The following KNG1 variants were observed in gnomAD, a reference collection of about 807,000 sequenced individuals.
KNG1 encodes the protein kininogen 1.
KNG1 carries 23 observed loss-of-function variants against 47.8 expected under a neutral mutation model. The ratio of observed to expected loss-of-function variants is 0.48; its 90% CI spans 0.35 to 0.68. KNG1 has a LOEUF of 0.68. Among genes scored for constraint, KNG1 ranks in the 30% least tolerant of loss-of-function variants. KNG1 has a pLI of 0.01. For missense variants in KNG1, 762 were observed against 790.2 expected, an observed-to-expected ratio of 0.96 and a Z score of 0.43; for synonymous variants, 277 against 277.0, an observed-to-expected ratio of 1.00 and a Z score of 0.00.
rs2108622881 is a variant in KNG1, at chr3:186,725,113, G to C, written c.417G>C (p.Gln139His). ...CCGAGGGCCCTGTGGTGACAGCCCA[G>C]TACGACTGCCTCGGCTGTGTGCATC... ...TPAEGPVVTAQYDCLGCVHPI... is the reference protein window; with the variant it reads ...TPAEGPVVTAHYDCLGCVHPI... The change falls in exon 4 of 10, where the codon CAG becomes CAC. Residue 139 changes from glutamine (Q) to histidine (H), a missense_variant. Transcript: ENST00000644859. 1 of 1,614,136 alleles carries C rather than the reference G, an allele frequency of 6.2e-7. No homozygotes were observed. Among genetic ancestry groups the C allele is most frequent in the Non-Finnish European group, 8.5e-7 (1 of 1,180,020 alleles).
chr3:186,744,140 G>A lies in KNG1; in HGVS notation c.*1809G>A. The A allele has an allele frequency of 3.3e-6, 1 of 307,408 alleles. No individual in the cohort carries two copies. The allele number at this position is 307,408 out of a possible 1,614,324, so 19.0% of individuals were successfully genotyped here. ...GCTAAAAGAAGAGTTAGTAGGTCAT[G>A]CTTCTACCAGTAATCTAAGGACTCT... is the stretch of plus-strand genomic sequence containing the variant. On this transcript the variant is annotated 3_prime_UTR_variant, in exon 10 of 10. Transcript: ENST00000644859.
In KNG1 at chr3:186,741,742, G is replaced by C. The variant is rs767569247; in HGVS notation, c.1346G>C (p.Arg449Pro). 2 of 1,614,174 alleles carry C rather than the reference G, an allele frequency of 1.2e-6. No homozygotes were observed. Among genetic ancestry groups the C allele is most frequent in the Non-Finnish European group, 1.7e-6 (2 of 1,180,028 alleles). The change falls in exon 10 of 10, where the codon CGT becomes CCT. Residue 449 changes from arginine to proline, a missense_variant. Arg to Pro is a moderately radical substitution (Grantham distance 103, BLOSUM62 -2). Transcript: ENST00000644859. ...HNLGHGHKHERDQGHGHQRGH... is the reference protein window; with the variant it reads ...HNLGHGHKHEPDQGHGHQRGH... ...CTTGGCCATGGCCATAAACATGAAC[G>C]TGACCAAGGGCATGGGCACCAAAGA...
At chr3:186,739,500 A>G (rs1174218191) in intron 9 of KNG1, 86 bp downstream of exon 9, 2 of 894,222 alleles carry the variant, frequency 2.2e-6, no homozygotes, top group East Asian at 4.9e-5. Context: ...ACCATTACTG[A>G]AATGAATTGG....
intron 3 of KNG1, among the ~76,000 whole-genome samples, chr3:186,723,697 C>T (rs769896377): frequency 1.2e-4 from 18 of 152,038 alleles, no homozygotes; most frequent in Non-Finnish European, 2.5e-4. Flanking sequence ...CACTGTCGCC[C>T]AGGCTGGGGT....
At position 186,743,890 on chromosome 3, in the gene KNG1, A is replaced by C; in HGVS notation, c.*1559A>C. On this transcript the variant is annotated 3_prime_UTR_variant, in exon 10 of 10. Transcript: ENST00000644859. ...AGATGGGATAGAATTTAAATAGAGAAGAATGCCATTTTATCACTCTGCCTC... is the reference window on the plus strand; with the variant it reads ...AGATGGGATAGAATTTAAATAGAGACGAATGCCATTTTATCACTCTGCCTC... 1 of 822,106 alleles carries C rather than the reference A, an allele frequency of 1.2e-6. No homozygotes were observed. Among genetic ancestry groups the C allele is most frequent in the Non-Finnish European group, 2.1e-6 (1 of 473,594 alleles). The allele number at this position is 822,106 out of a possible 1,614,324, so 50.9% of individuals were successfully genotyped here.
chr3:186,717,471 A>C lies in KNG1; in HGVS notation c.-72A>C. On this transcript the variant is annotated 5_prime_UTR_variant, in exon 1 of 10. Coordinates refer to ENST00000644859, the MANE Select transcript of KNG1 (RefSeq NM_001102416.3). ...GAAACAAGAGGCTGGAGATTGTCAAATTCAGTATCCCAGTTGGCTCTTGAT... is the reference window on the plus strand; with the variant it reads ...GAAACAAGAGGCTGGAGATTGTCAACTTCAGTATCCCAGTTGGCTCTTGAT... 8.8e-7 allele frequency: 1 copy of C among 1,138,720 alleles called. No homozygotes were observed. Among genetic ancestry groups the C allele is most frequent in the Non-Finnish European group, 1.3e-6 (1 of 749,584 alleles). 70.5% of individuals were successfully genotyped at this position (1,138,720 alleles called of 1,614,324 possible).
intron 1 of KNG1, among the ~76,000 whole-genome samples, chr3:186,719,872 G>C (rs2304451): frequency 0.42 from 64,439 of 151,930 alleles, 14,071 homozygotes; most frequent in South Asian, 0.61. Flanking sequence ...AACCAGTTTT[G>C]ACAAAAATGG....
intron 9 of KNG1, 50 bp downstream of exon 9, chr3:186,739,464 A>T (rs780268411): frequency 2.4e-6 from 3 of 1,265,204 alleles, no homozygotes; most frequent in Non-Finnish European, 3.5e-6. Flanking sequence ...TCATTCTGAA[A>T]ATCCATATTT....
intron 3 of KNG1, among the ~76,000 whole-genome samples, chr3:186,723,884 C>T (rs1313087087): frequency 6.6e-6 from 1 of 152,136 alleles, no homozygotes; most frequent in Non-Finnish European, 1.5e-5. Flanking sequence ...GAACTCCTGA[C>T]CTCAGGTGAT....
In KNG1 at chr3:186,741,698, A is replaced by G. The variant is rs1265548702; in HGVS notation, c.1302A>G (p.Glu434=). Residue 434 remains glutamate, a synonymous_variant, in exon 10 of 10, where the codon GAA becomes GAG. Transcript: ENST00000644859. The stretch of plus-strand genomic sequence containing the variant: ...CTCGTAGACATGACTGGGGCCATGA[A>G]AAACAAAGAAAACATAATCTTGGCC... ...GHTRRHDWGH[E]KQRKHNLGHG... is the part of the protein sequence containing the mutation. The G allele has an allele frequency of 2.5e-6, 4 of 1,614,256 alleles. No homozygotes were observed. Among genetic ancestry groups the G allele is most frequent in the Non-Finnish European group, 2.5e-6 (3 of 1,180,038 alleles).
chr3:186,724,092 ATGCCCAGTAGC>A (rs1384112971), intron 3 of KNG1, among the ~76,000 whole-genome samples: 3 of 152,204 alleles, frequency 2.0e-5, no homozygotes, highest in African/African-American at 7.2e-5. Flanking sequence ...CTCTGGGTAG[ATGCCCAGTAGC>A]TGGACTACTG....
Position 186,743,604 on chromosome 3 carries a change from C to G in KNG1, c.*1273C>G. ...GTCTGTTCTTTTAAATAAACAACCACAGATGTCAGGAAAAAGTCTTACCTT... is the reference window on the plus strand; with the variant it reads ...GTCTGTTCTTTTAAATAAACAACCAGAGATGTCAGGAAAAAGTCTTACCTT... On this transcript the variant is annotated 3_prime_UTR_variant, in exon 10 of 10. Coordinates refer to ENST00000644859, the MANE Select transcript of KNG1 (RefSeq NM_001102416.3). 2 of 819,516 alleles carry G rather than the reference C, an allele frequency of 2.4e-6. No homozygotes were observed. Among genetic ancestry groups the G allele is most frequent in the Non-Finnish European group, 4.2e-6 (2 of 479,226 alleles). The allele number at this position is 819,516 out of a possible 1,614,324, so 50.8% of individuals were successfully genotyped here. A position where few individuals can be genotyped will look rare whatever the true frequency, so the allele number is the denominator to read the frequency against.
Position 186,720,231 on chromosome 3 carries a change from A to T in KNG1, c.306+16A>T, listed in dbSNP as rs200563319. The T allele has an allele frequency of 2.0e-6, 3 of 1,534,410 alleles. No individual in the cohort carries two copies. In the South Asian group the frequency reaches 3.4e-5, roughly 17 times the overall value. ...TGCAAAAGCAGTAAGTGTATTGGCC[A>T]TTCTTGGGCCTTCTGTTTTCTCCGT... On this transcript the variant is annotated intron_variant, in intron 2 of 9. Transcript: ENST00000644859.
At chr3:186,736,030 C>G (rs1720663730) in intron 7 of KNG1, 1 of 152,222 alleles carries the variant, frequency 6.6e-6, no homozygotes, top group South Asian at 2.1e-4. Context: ...ACCACTCATT[C>G]TCAAGCATGA....
At position 186,742,005 on chromosome 3, in the gene KNG1, C is replaced by T. The variant is rs1414262525; in HGVS notation, c.1609C>T (p.Gln537Ter). 2 of 1,614,200 alleles carry T rather than the reference C, an allele frequency of 1.2e-6. No homozygotes were observed. The highest frequency in any genetic ancestry group is 1.7e-5 in the Admixed American group (1 of 60,016). ...SSEDSTTPSAQTQEKTEGPTP... is the reference protein window; with the variant it reads ...SSEDSTTPSA ...TGAAGACAGTACTACACCTTCTGCACAGACACAAGAGAAGACAGAAGGGCC... is the reference window on the plus strand; with the variant it reads ...TGAAGACAGTACTACACCTTCTGCATAGACACAAGAGAAGACAGAAGGGCC... The change falls in exon 10 of 10, where the codon CAG becomes TAG. Residue 537 changes from glutamine to a stop codon, truncating the protein, a stop_gained. Transcript: ENST00000644859. LOFTEE classifies it low-confidence loss of function (END_TRUNC).
intron 6 of KNG1, among the ~76,000 whole-genome samples, chr3:186,732,215 T>C (rs759195914): frequency 4.6e-5 from 7 of 152,246 alleles, no homozygotes; most frequent in Non-Finnish European, 1.0e-4. Flanking sequence ...CATTGCTTTT[T>C]ACAGTTTCCA....
rs955451273 is a variant in KNG1, at chr3:186,742,060, G to C, written c.1664G>C (p.Gly555Ala). 3.1e-6 allele frequency: 5 copies of C among 1,613,988 alleles called. No homozygotes were observed. Among genetic ancestry groups the C allele is most frequent in the Non-Finnish European group, 3.4e-6 (4 of 1,179,884 alleles). Residue 555 changes from glycine to alanine, a missense_variant, in exon 10 of 10, where the codon GGT becomes GCT. By Grantham distance (60) the Gly-to-Ala change is moderately conservative. Coordinates refer to ENST00000644859, the MANE Select transcript of KNG1 (RefSeq NM_001102416.3). ...PTPIPSLAKP[G>A]VTVTFSDFQD... ...CCCATCCCTTCCCTAGCCAAGCCAGGTGTAACAGTTACCTTTTCTGACTTT... is the reference window on the plus strand; with the variant it reads ...CCCATCCCTTCCCTAGCCAAGCCAGCTGTAACAGTTACCTTTTCTGACTTT...
chr3:186,726,274 CTTTTTTT>C (rs774226752), intron 4 of KNG1, among the ~76,000 whole-genome samples: 1 of 113,734 alleles, frequency 8.8e-6, no homozygotes, highest in African/African-American at 3.1e-5. Context: ...GACTTTTCTT[CTTTTTTT>C]TTTTTTTTTT....
intron 7 of KNG1, 36 bp from the exon 8 acceptor site, chr3:186,739,063 T>G (rs1720736883): frequency 2.7e-6 from 4 of 1,469,490 alleles, no homozygotes; most frequent in African/African-American, 1.4e-5. Flanking sequence ...ATGCAAATAT[T>G]TTTAAGCGTT....
Sources: allele counts gnomAD v4.1 joint callset (sites outside exome capture counted in the v4.1 genomes callset), GRCh38; gene constraint gnomAD v4.1.1; transcripts MANE v1.5; gene names NCBI Gene and HGNC (gene_info 2026-07-23, HGNC 2026-07-21).